LRRIQ4: variants seen among roughly 807,000 people sequenced by gnomAD.
LRRIQ4 encodes leucine-rich repeat and IQ domain-containing protein 4.
In LRRIQ4, 21 loss-of-function variants were observed where a neutral mutation model predicts 40.1. The observed-to-expected ratio is 0.52, with a 90% CI of 0.37 to 0.75. The LOEUF (loss-of-function observed/expected upper bound fraction) is 0.75. Ranked by LOEUF, LRRIQ4 falls within the 30% of genes least tolerant of loss-of-function variation. The probability of loss-of-function intolerance (pLI) is 0.00; values close to 1 mark genes in which losing one functional copy is unlikely to be tolerated. For synonymous variants in LRRIQ4, 277 were observed against 277.1 expected, an observed-to-expected ratio of 1.00 and a Z score of 0.00; for missense variants, 655 against 660.0, an observed-to-expected ratio of 0.99 and a Z score of 0.08.
chr3:169,822,969 A>G (rs145600111), intron 2 of LRRIQ4, 28 bp downstream of exon 2: 141 of 1,487,954 alleles, frequency 9.5e-5, no homozygotes, highest in African/African-American at 3.2e-4. Context: ...GGCTGTCACT[A>G]TGCTCTCATC....
In LRRIQ4 at chr3:169,821,936, A is replaced by C. The variant is rs1779899954; in HGVS notation, c.15A>C (p.Ile5=). 1 of 1,470,718 alleles carries C rather than the reference A, an allele frequency of 6.8e-7. No homozygotes were observed. The highest frequency in any genetic ancestry group is 9.0e-7 in the Non-Finnish European group (1 of 1,112,204). 91.1% of individuals were successfully genotyped at this position (1,470,718 alleles called of 1,614,324 possible). A position where few individuals can be genotyped will look rare whatever the true frequency, so the allele number is the denominator to read the frequency against. Residue 5 remains isoleucine, a synonymous_variant, in exon 2 of 6, where the codon ATA becomes ATC. Coordinates refer to ENST00000340806, the MANE Select transcript of LRRIQ4 (RefSeq NM_001080460.3). ...TCTTCACAATAATGTCAAAAGACATAAAATCAGTAGAACATTCACCTAAAA... is the reference window on the plus strand; with the variant it reads ...TCTTCACAATAATGTCAAAAGACATCAAATCAGTAGAACATTCACCTAAAA... MSKD[I]KSVEHSPKIH...
chr3:169,830,271 G>A (rs1234136173), intron 3 of LRRIQ4, among the ~76,000 whole-genome samples: 1 of 147,338 alleles, frequency 6.8e-6, no homozygotes, highest in African/African-American at 2.5e-5. Context: ...TGCATAAATG[G>A]AAACTAAGTC....
intron 2 of LRRIQ4, among the ~76,000 whole-genome samples, chr3:169,826,597 T>A (rs182325623): frequency 2.4e-4 from 37 of 152,220 alleles, no homozygotes; most frequent in East Asian, 3.9e-4. Context: ...CTAAAAAAAA[T>A]TTTTGAACAT....
chr3:169,828,562 G>A (rs1780093050), intron 2 of LRRIQ4, among the ~76,000 whole-genome samples, 197 bp from the exon 3 acceptor site: 1 of 152,106 alleles, frequency 6.6e-6, no homozygotes, highest in African/African-American at 2.4e-5. Flanking sequence ...TTAAAGTGGT[G>A]CATAAAAGTG....
At chr3:169,826,204 C>T (rs1448117867) in intron 2 of LRRIQ4, among the ~76,000 whole-genome samples, 1 of 151,966 alleles carries the variant, frequency 6.6e-6, no homozygotes, top group African/African-American at 2.4e-5. Flanking sequence ...CCAGCCTGGC[C>T]AACGTGGCGA....
At position 169,837,483 on chromosome 3, in the gene LRRIQ4, A is replaced by G. The variant is rs1780334015; in HGVS notation, c.1535A>G (p.Gln512Arg). ...TTGGGTTTATCTTGTTTTCAGATTC[A>G]GGCATGGTGGCGTGGAACAATGGTA... ...RNRNIMATKI[Q>R]AWWRGTMVQR... The change falls in exon 6 of 6, where the codon CAG (glutamine) becomes CGG (arginine). Residue 512 changes from glutamine to arginine, a missense_variant. Coordinates refer to ENST00000340806, the MANE Select transcript of LRRIQ4 (RefSeq NM_001080460.3). 8.7e-6 allele frequency: 14 copies of G among 1,602,196 alleles called. No individual in the cohort carries two copies. The highest frequency in any genetic ancestry group is 1.2e-5 in the Non-Finnish European group (14 of 1,176,888).
At chr3:169,830,720 T>C in intron 4 of LRRIQ4, 90 bp downstream of exon 4, 1 of 1,479,340 alleles carries the variant, frequency 6.8e-7, no homozygotes, top group Non-Finnish European at 9.3e-7. Context: ...TAAAGACCTA[T>C]CTCAGTGTTC....
At chr3:169,832,461 C>G (rs1357379037) in intron 4 of LRRIQ4, among the ~76,000 whole-genome samples, 7 of 145,166 alleles carry the variant, frequency 4.8e-5, no homozygotes, top group Non-Finnish European at 1.0e-4. Context: ...GAGCTAGACT[C>G]TGTCTCAAAA....
At chr3:169,828,261 C>T (rs184101517) in intron 2 of LRRIQ4, among the ~76,000 whole-genome samples, 2 of 150,986 alleles carry the variant, frequency 1.3e-5, no homozygotes, top group African/African-American at 4.9e-5. Context: ...GAGACAGATT[C>T]TCGCTCTGTC....
chr3:169,821,292 T>G (rs544213034), intron 1 of LRRIQ4, among the ~76,000 whole-genome samples: 1 of 152,340 alleles, frequency 6.6e-6, no homozygotes, highest in South Asian at 2.1e-4. Flanking sequence ...AAGGATCTTT[T>G]GCAACCTTCT....
intron 5 of LRRIQ4, among the ~76,000 whole-genome samples, chr3:169,835,364 C>CTGTGTGTGTGTGTGTGTGTGTGTG (rs149888477): frequency 2.7e-5 from 4 of 146,398 alleles, no homozygotes; most frequent in Admixed American, 6.8e-5. Context: ...TTGTCTTTTT[C>CTGTGTGTGTGTGTGTGTGTGTGTG]TGTGTGTGTG....
chr3:169,835,570 C>T (rs1442142053), intron 5 of LRRIQ4, among the ~76,000 whole-genome samples: 2 of 152,084 alleles, frequency 1.3e-5, no homozygotes, highest in Non-Finnish European at 2.9e-5. Flanking sequence ...AGGAAATGGA[C>T]TGTCTTCAAC....
intron 5 of LRRIQ4, among the ~76,000 whole-genome samples, chr3:169,837,097 G>A (rs1396468205): frequency 6.6e-6 from 1 of 152,154 alleles, no homozygotes; most frequent in African/African-American, 2.4e-5. Context: ...AAGGCAGGGC[G>A]TAGGCACTCA....
chr3:169,828,593 A>G (rs890580316), intron 2 of LRRIQ4, among the ~76,000 whole-genome samples, 166 bp from the exon 3 acceptor site: 2 of 152,252 alleles, frequency 1.3e-5, no homozygotes, highest in Non-Finnish European at 2.9e-5. Context: ...CTTTAGATCT[A>G]CAAGTATAAA....
chr3:169,833,217 T>G, intron 5 of LRRIQ4, 34 bp downstream of exon 5: 2 of 1,557,112 alleles, frequency 1.3e-6, no homozygotes, highest in Non-Finnish European at 1.8e-6. Flanking sequence ...TAACAGTTGC[T>G]TTAGAGGGAG....
At position 169,816,517 on chromosome 3, in the gene LRRIQ4, G is replaced by C. The variant is rs150677122; in HGVS notation, c.-32+3471G>C. Among the ~76,000 whole-genome samples, 442 of 151,648 alleles carry C rather than the reference G, an allele frequency of 2.9e-3. 3 individuals are homozygous for C. The highest frequency in any genetic ancestry group is 9.7e-3 in the African/African-American group (400 of 41,366). Reference sequence around the variant, plus strand: ...TTTTTCATCTCTGATTTTATTTATTGGATCTTCTCTCTTTTTCTCTTAATC... The same window carrying C: ...TTTTTCATCTCTGATTTTATTTATTCGATCTTCTCTCTTTTTCTCTTAATC... On this transcript the variant is annotated intron_variant, in intron 1 of 5. Coordinates refer to ENST00000340806, the MANE Select transcript of LRRIQ4 (RefSeq NM_001080460.3).
intron 3 of LRRIQ4, among the ~76,000 whole-genome samples, chr3:169,829,341 G>C (rs890936465): frequency 1.3e-5 from 2 of 152,164 alleles, no homozygotes; most frequent in Admixed American, 1.3e-4. Context: ...GGGGAAGTGT[G>C]ACCTCTCTCC....
chr3:169,817,374 A>T (rs1359988640), intron 1 of LRRIQ4, among the ~76,000 whole-genome samples: 4 of 152,236 alleles, frequency 2.6e-5, no homozygotes, highest in Non-Finnish European at 4.4e-5. Context: ...CCTTGAGAAG[A>T]TCCATGTGCT....
intron 1 of LRRIQ4, among the ~76,000 whole-genome samples, chr3:169,814,740 C>G (rs1395198093): frequency 6.6e-6 from 1 of 152,168 alleles, no homozygotes; most frequent in Non-Finnish European, 1.5e-5. Context: ...CTGCCTCTGC[C>G]GCCCAAAGTG....
Sources: gnomAD v4.1 joint callset for allele counts (sites outside exome capture counted in the v4.1 genomes callset) on GRCh38, gnomAD v4.1.1 for gene constraint, MANE v1.5 for transcripts, NCBI Gene and HGNC (gene_info 2026-07-23, HGNC 2026-07-21) for gene names.